The following BTBD9 variants were observed in gnomAD, a reference collection of about 807,000 sequenced individuals.
The protein encoded by BTBD9 is BTB domain containing 9.
In BTBD9, 49 loss-of-function variants were observed where a neutral mutation model predicts 64.3. The observed-to-expected ratio is 0.76, with a 90% CI of 0.61 to 0.97. The LOEUF is 0.97. BTBD9 is among the 50% of genes least tolerant of loss of function. The pLI, the probability that BTBD9 is intolerant of heterozygous loss-of-function variation, is 0.00. For synonymous variants in BTBD9, 260 were observed against 274.7 expected (o/e 0.95, Z 0.53); for missense variants, 598 against 762.1 (o/e 0.78, Z 2.53).
At chr6:38,519,837 A>G (rs1226940799) in intron 6 of BTBD9, among the ~76,000 whole-genome samples, 1 of 152,224 alleles carries the variant, frequency 6.6e-6, no homozygotes, top group Non-Finnish European at 1.5e-5. Flanking sequence ...CACCTAAGCT[A>G]GATCAAGGTG....
intron 9 of BTBD9, among the ~76,000 whole-genome samples, chr6:38,251,556 C>T (rs935364782): frequency 2.6e-5 from 4 of 152,048 alleles, no homozygotes; most frequent in African/African-American, 9.7e-5. Flanking sequence ...TGAGCCATTG[C>T]GGCCAGGCTG....
At chr6:38,604,591 T>C (rs565447566) in intron 1 of BTBD9, among the ~76,000 whole-genome samples, 2 of 152,318 alleles carry the variant, frequency 1.3e-5, no homozygotes, top group African/African-American at 2.4e-5. Context: ...TAACAAGTAA[T>C]GTAAATTCTA....
rs74661816 is a variant in BTBD9 at position 38,233,266 on chromosome 6, T to A, written c.1562+23143A>T. 9.5e-3 allele frequency among the ~76,000 whole-genome samples: 1,439 copies of A among 152,274 alleles called. 26 individuals are homozygous for A. Among genetic ancestry groups the A allele is most frequent in the African/African-American group, 0.033 (1,350 of 41,532 alleles). On this transcript the variant is annotated intron_variant, in intron 9 of 10. Transcript: ENST00000481247. Reference sequence around the variant, plus strand: ...TTCCTAAATTCATTCACTATTTTTTTAAAAAAATAACGAAACCATTTTTAA... The same window carrying A: ...TTCCTAAATTCATTCACTATTTTTTAAAAAAAATAACGAAACCATTTTTAA...
chr6:38,321,822 TACAC>T (rs3047757), intron 7 of BTBD9, among the ~76,000 whole-genome samples: 14 of 149,588 alleles, frequency 9.4e-5, no homozygotes, highest in South Asian at 2.1e-4. Context: ...TCTTGTTTTA[TACAC>T]ACACACACAC....
At chr6:38,202,830 A>C (rs1303274276) in intron 9 of BTBD9, among the ~76,000 whole-genome samples, 1 of 152,258 alleles carries the variant, frequency 6.6e-6, no homozygotes, top group Admixed American at 6.5e-5. Context: ...AAACCAGTTC[A>C]GGATATTGGT....
At chr6:38,270,806 C>A (rs1244669640) in intron 8 of BTBD9, among the ~76,000 whole-genome samples, 1 of 152,164 alleles carries the variant, frequency 6.6e-6, no homozygotes, top group Non-Finnish European at 1.5e-5. Flanking sequence ...CTGATGGACA[C>A]AAGGCTACTG....
At chr6:38,498,156 G>A (rs1318191040) in intron 6 of BTBD9, among the ~76,000 whole-genome samples, 1 of 152,138 alleles carries the variant, frequency 6.6e-6, no homozygotes, top group Non-Finnish European at 1.5e-5. Flanking sequence ...TACAAAAGTG[G>A]TTTACTGTAC....
In BTBD9 at chr6:38,451,157, C is replaced by T. The variant is rs117674728; in HGVS notation, c.1155-106064G>A. On this transcript the variant is annotated intron_variant, in intron 6 of 10. Coordinates refer to ENST00000481247, the MANE Select transcript of BTBD9 (RefSeq NM_001099272.2). Reference sequence around the variant, plus strand: ...TGTACCACACCAACGGAACTTGTTACTGCACACTAGAGTTAATAATAGTCA... The same window carrying T: ...TGTACCACACCAACGGAACTTGTTATTGCACACTAGAGTTAATAATAGTCA... Among the ~76,000 whole-genome samples the T allele has an allele frequency of 9.9e-4, 151 of 152,322 alleles. 2 individuals carry two copies. In the East Asian group the frequency reaches 0.013, roughly 13 times the overall value.
At chr6:38,593,905 A>C in intron 3 of BTBD9, 59 bp downstream of exon 3, 1 of 1,375,936 alleles carries the variant, frequency 7.3e-7, no homozygotes, top group Non-Finnish European at 1.0e-6. Context: ...ATACTTCTAC[A>C]GTATAGGTAT....
intron 7 of BTBD9, among the ~76,000 whole-genome samples, chr6:38,312,293 T>C (rs1487771668): frequency 1.3e-5 from 2 of 152,234 alleles, no homozygotes; most frequent in Non-Finnish European, 2.9e-5. Flanking sequence ...GAGTTCCTTA[T>C]ATATTCTGGT....
chr6:38,302,485 GTATATATATATATATATATATATATA>G (rs59324806), intron 7 of BTBD9, among the ~76,000 whole-genome samples: 10 of 106,908 alleles, frequency 9.4e-5, no homozygotes, highest in East Asian at 3.1e-4. Context: ...TTGTGTGTAT[GTATATATATATATATATATATATATA>G]TATATATATA....
intron 7 of BTBD9, among the ~76,000 whole-genome samples, chr6:38,293,655 A>G (rs1762047651): frequency 6.6e-6 from 1 of 152,222 alleles, no homozygotes; most frequent in African/African-American, 2.4e-5. Context: ...TACACTTTAT[A>G]CAAAAATTAA....
chr6:38,259,455 T>G (rs984184007), intron 8 of BTBD9, among the ~76,000 whole-genome samples: 1 of 152,154 alleles, frequency 6.6e-6, no homozygotes, highest in Non-Finnish European at 1.5e-5. Context: ...CAGGCTGGAG[T>G]GCAGTGGTGC....
At chr6:38,459,482 G>T (rs1433219679) in intron 6 of BTBD9, among the ~76,000 whole-genome samples, 1 of 152,218 alleles carries the variant, frequency 6.6e-6, no homozygotes, top group South Asian at 2.1e-4. Context: ...AAATGCTGGT[G>T]TATGAATCAT....
chr6:38,252,429 AAAAGG>A (rs1182246266), intron 9 of BTBD9, among the ~76,000 whole-genome samples: 7 of 152,210 alleles, frequency 4.6e-5, no homozygotes, highest in Admixed American at 4.6e-4. Flanking sequence ...CCTAACTTTA[AAAAGG>A]GAGGTACAAT....
chr6:38,379,393 T>C (rs1177250641), intron 6 of BTBD9, among the ~76,000 whole-genome samples: 1 of 152,200 alleles, frequency 6.6e-6, no homozygotes, highest in East Asian at 1.9e-4. Context: ...TCATCACCAC[T>C]GTAATCTCTG....
intron 8 of BTBD9, among the ~76,000 whole-genome samples, chr6:38,276,726 A>G (rs1761274296): frequency 6.6e-6 from 1 of 152,180 alleles, no homozygotes; most frequent in Admixed American, 6.5e-5. Context: ...AGGTAGTATG[A>G]CGGTCATTGC....
chr6:38,396,255 TG>T (rs2127628080), intron 6 of BTBD9, among the ~76,000 whole-genome samples: 1 of 152,346 alleles, frequency 6.6e-6, no homozygotes, highest in East Asian at 1.9e-4. Flanking sequence ...ACATTGTTCT[TG>T]TTTGGGAACT....
intron 6 of BTBD9, among the ~76,000 whole-genome samples, chr6:38,475,911 C>T (rs1770855165): frequency 1.3e-5 from 2 of 152,140 alleles, no homozygotes; most frequent in Non-Finnish European, 2.9e-5. Flanking sequence ...CCTGGAAACA[C>T]GATGGCTCTA....
Sources: allele counts gnomAD v4.1 joint callset (sites outside exome capture counted in the v4.1 genomes callset), GRCh38; gene constraint gnomAD v4.1.1; transcripts MANE v1.5; gene names NCBI Gene and HGNC (gene_info 2026-07-23, HGNC 2026-07-21).